RELN: variants seen among roughly 807,000 people sequenced by gnomAD.
RELN encodes reelin.
RELN carries 108 observed loss-of-function variants against 427.6 expected under a neutral mutation model. The ratio of observed to expected loss-of-function variants is 0.25; its 90% CI spans 0.22 to 0.30. The LOEUF (loss-of-function observed/expected upper bound fraction) is 0.30, where lower values mean the gene tolerates loss of function less well. Ranked by LOEUF, RELN falls within the 10% of genes least tolerant of loss-of-function variation. RELN has a pLI of 1.00. For missense variants in RELN, 3,715 were observed against 4,302.8 expected, an observed-to-expected ratio of 0.86 and a Z score of 3.82; for synonymous variants, 1,524 against 1,513.4, an observed-to-expected ratio of 1.01 and a Z score of -0.16.
At chr7:103,850,413 C>A (rs1222443862) in intron 2 of RELN, among the ~76,000 whole-genome samples, 2 of 152,138 alleles carry the variant, frequency 1.3e-5, no homozygotes, top group Admixed American at 6.5e-5. Flanking sequence ...CAAGTGAAAT[C>A]CAGAGGTAGG....
chr7:103,660,088 T>C (rs1039470378), intron 12 of RELN, among the ~76,000 whole-genome samples: 3 of 152,188 alleles, frequency 2.0e-5, no homozygotes, highest in Non-Finnish European at 4.4e-5. Context: ...GGAACTTATA[T>C]AATGATGACT....
chr7:103,884,707 G>T (rs1472620273), intron 2 of RELN, among the ~76,000 whole-genome samples: 1 of 152,212 alleles, frequency 6.6e-6, no homozygotes, highest in Non-Finnish European at 1.5e-5. Context: ...GGTCATTAGA[G>T]AAATGCAAAT....
intron 1 of RELN, among the ~76,000 whole-genome samples, chr7:103,977,883 CA>C (rs1350803859): frequency 6.6e-6 from 1 of 152,116 alleles, no homozygotes; most frequent in East Asian, 1.9e-4. Flanking sequence ...TACGCTTTTC[CA>C]AGTTGGGTCA....
Position 103,630,093 on chromosome 7 carries a change from C to G in RELN, c.2549G>C (p.Arg850Thr), listed in dbSNP as rs1832418506. Reference sequence around the variant, plus strand: ...CTCATCAATAGCCCATACATCTTCTCTCTGGGAAGAATGATACGGTTGCCA... The same window carrying G: ...CTCATCAATAGCCCATACATCTTCTGTCTGGGAAGAATGATACGGTTGCCA... ...RWWQPYHSSQ[R>T]EDVWAIDEII... Residue 850 changes from arginine (R) to threonine (T), a missense_variant, in exon 20 of 65, where the codon AGA becomes ACA. Around this residue, in one of 4 missense-constraint regions of RELN, gnomAD observed 2,208 missense variants for 2,361.7 expected, o/e 0.93. Coordinates refer to ENST00000428762, the MANE Select transcript of RELN (RefSeq NM_005045.4). 1 of 1,613,678 alleles carries G rather than the reference C, an allele frequency of 6.2e-7. No individual in the cohort carries two copies. Among genetic ancestry groups the G allele is most frequent in the Non-Finnish European group, 8.5e-7 (1 of 1,179,718 alleles).
chr7:103,868,895 G>A (rs1047199256), intron 2 of RELN, among the ~76,000 whole-genome samples: 2 of 151,890 alleles, frequency 1.3e-5, no homozygotes, highest in Non-Finnish European at 2.9e-5. Context: ...CATATTGTTT[G>A]CAGAGTATAT....
chr7:103,834,782 C>T (rs113179233), intron 2 of RELN, among the ~76,000 whole-genome samples: 1,559 of 152,124 alleles, frequency 0.01, 25 homozygotes, highest in African/African-American at 0.035. Flanking sequence ...GTCCCAAATC[C>T]GGAATACTGA....
chr7:103,894,444 T>C (rs1225806921), intron 2 of RELN, among the ~76,000 whole-genome samples: 1 of 152,310 alleles, frequency 6.6e-6, no homozygotes, highest in East Asian at 1.9e-4. Context: ...TGCTTGACAG[T>C]ACCCACGCCT....
chr7:103,751,976 C>T (rs990040945), intron 5 of RELN, among the ~76,000 whole-genome samples: 8 of 152,144 alleles, frequency 5.3e-5, no homozygotes, highest in Non-Finnish European at 1.2e-4. Flanking sequence ...AATAAATCTT[C>T]ACTGACACAA....
At position 103,989,236 on chromosome 7, in the gene RELN, T is replaced by C; in HGVS notation, c.121A>G (p.Thr41Ala). Residue 41 changes from threonine to alanine, a missense_variant, in exon 1 of 65, where the codon ACC (threonine) becomes GCC (alanine). Physicochemically the swap from Thr to Ala is moderately conservative, Grantham distance 58. Around this residue, in one of 4 missense-constraint regions of RELN, gnomAD observed 2,208 missense variants for 2,361.7 expected, o/e 0.93. Transcript: ENST00000428762. The surrounding 1 kb of genome is among the most constrained non-coding windows in gnomAD (Gnocchi z 4.9). ...TCCCCTTCCAGCTCCCCGTGGTGGG[T>C]GCACAGGAAAAAGAAGGGCGAAAAG... ...PRFSPFFFLCTHHGELEGDGE... is the reference protein window; with the variant it reads ...PRFSPFFFLCAHHGELEGDGE... 1 of 1,613,850 alleles carries C rather than the reference T, an allele frequency of 6.2e-7. No homozygotes were observed. The highest frequency in any genetic ancestry group is 1.1e-5 in the South Asian group (1 of 91,072).
At position 103,889,536 on chromosome 7, in the gene RELN, T is replaced by C. The variant is rs77628932; in HGVS notation, c.337+27539A>G. ...CGTAAGGCTACCAGAGGGAAATCTT[T>C]TTACTTTTCAGTCACCGTTGATACA... On this transcript the variant is annotated intron_variant, in intron 2 of 64. Coordinates refer to ENST00000428762, the MANE Select transcript of RELN (RefSeq NM_005045.4). Among the ~76,000 whole-genome samples the C allele has an allele frequency of 4.0e-3, 602 of 152,296 alleles. 23 individuals carry two copies. In the East Asian group the frequency reaches 0.072, roughly 18 times the overall value.
chr7:103,664,676 T>C (rs772005156), intron 11 of RELN, among the ~76,000 whole-genome samples: 2 of 152,180 alleles, frequency 1.3e-5, no homozygotes, highest in Non-Finnish European at 2.9e-5. Flanking sequence ...TTTGGCCTAT[T>C]AGATGATTAT....
intron 3 of RELN, among the ~76,000 whole-genome samples, chr7:103,787,898 C>T (rs879746008): frequency 4.6e-5 from 7 of 152,094 alleles, no homozygotes; most frequent in African/African-American, 9.7e-5. Context: ...AAATTTCAGG[C>T]CAATATCCCT....
intron 16 of RELN, among the ~76,000 whole-genome samples, chr7:103,645,506 T>G (rs895742846): frequency 6.6e-6 from 1 of 151,602 alleles, no homozygotes; most frequent in Non-Finnish European, 1.5e-5. Context: ...AAACAGACTT[T>G]AAATCAACAA....
At chr7:103,578,159 T>A (rs2117214174) in intron 28 of RELN, among the ~76,000 whole-genome samples, 1 of 152,298 alleles carries the variant, frequency 6.6e-6, no homozygotes, top group South Asian at 2.1e-4. Flanking sequence ...TTTTTATAGT[T>A]TTTATTATTA....
intron 1 of RELN, among the ~76,000 whole-genome samples, chr7:103,974,642 C>G (rs1333299585): frequency 1.3e-5 from 2 of 152,150 alleles, no homozygotes; most frequent in Non-Finnish European, 2.9e-5. Context: ...AGCTGCTGTT[C>G]CCTTTGTATG....
At chr7:103,535,539 C>G (rs1015431758) in intron 45 of RELN, 55 bp from the exon 46 acceptor site, 3 of 1,498,458 alleles carry the variant, frequency 2.0e-6, no homozygotes, top group Admixed American at 3.4e-5. Context: ...ACCCAGGAAC[C>G]ATAATTGTTT....
At position 103,953,504 on chromosome 7, in the gene RELN, A is replaced by G. The variant is rs1281138186; in HGVS notation, c.226+35627T>C. 6.6e-6 allele frequency among the ~76,000 whole-genome samples: 1 copy of G among 152,188 alleles called. No homozygotes were observed. The highest frequency in any genetic ancestry group is 1.5e-5 in the Non-Finnish European group (1 of 68,032). On this transcript the variant is annotated intron_variant, in intron 1 of 64. Coordinates refer to ENST00000428762, the MANE Select transcript of RELN (RefSeq NM_005045.4). This position sits in a 1 kb window ranked among gnomAD's most constrained non-coding sequence, Gnocchi z 4.3. ...TTGGCAGTGCTGATATTTTTAAGGC[A>G]CTGGTAGGGGGACATACACACACAC... is the stretch of plus-strand genomic sequence containing the variant.
chr7:103,510,467 T>A (rs1310579549), intron 51 of RELN, among the ~76,000 whole-genome samples: 1 of 151,846 alleles, frequency 6.6e-6, no homozygotes, highest in East Asian at 1.9e-4. Context: ...GAGAGGAACA[T>A]CACGCACTGT....
intron 13 of RELN, among the ~76,000 whole-genome samples, chr7:103,653,845 T>C (rs913966949): frequency 2.6e-5 from 4 of 152,076 alleles, no homozygotes; most frequent in African/African-American, 4.8e-5. Context: ...TGTCAGAGTA[T>C]TGGGTTCTGC....
Sources: allele counts gnomAD v4.1 joint callset (sites outside exome capture counted in the v4.1 genomes callset), GRCh38; gene constraint gnomAD v4.1.1; regional missense constraint gnomAD v4.1.1; non-coding constraint Gnocchi (gnomAD v3.1); transcripts MANE v1.5; gene names NCBI Gene and HGNC (gene_info 2026-07-23, HGNC 2026-07-21).